Variants in S100Z observed in about 807,000 individuals in gnomAD.
The protein encoded by S100Z is S100 calcium binding protein Z.
S100Z carries 11 observed loss-of-function variants against 8.5 expected under a neutral mutation model. The observed-to-expected ratio is 1.30, with a 90% CI of 0.82 to 2.15. The LOEUF is 2.15. Among genes scored for constraint, S100Z ranks in the 30% most tolerant of loss-of-function variants. S100Z has a pLI of 0.00. For synonymous variants in S100Z, 34 were observed against 43.8 expected, an observed-to-expected ratio of 0.78 and a Z score of 0.89; for missense variants, 126 against 117.9, an observed-to-expected ratio of 1.07 and a Z score of -0.32.
At chr5:76,909,602 T>G (rs1392440510) in intron 4 of S100Z, among the ~76,000 whole-genome samples, 1 of 152,082 alleles carries the variant, frequency 6.6e-6, no homozygotes, top group Non-Finnish European at 1.5e-5. Context: ...ATGATAAGCC[T>G]CCTCTAATCT....
chr5:76,902,463 T>A (rs774646652), intron 4 of S100Z, among the ~76,000 whole-genome samples: 8 of 152,218 alleles, frequency 5.3e-5, no homozygotes, highest in African/African-American at 7.2e-5. Context: ...AGAAATGCCC[T>A]CTGCAACACA....
chr5:76,909,161 C>T (rs1744561988), intron 4 of S100Z, among the ~76,000 whole-genome samples: 1 of 152,078 alleles, frequency 6.6e-6, no homozygotes, highest in South Asian at 2.1e-4. Context: ...GCTCCAGGGA[C>T]CGTTACGGGT....
intron 1 of S100Z, among the ~76,000 whole-genome samples, chr5:76,868,623 C>CTTTTT (rs35398110): frequency 3.3e-5 from 4 of 122,846 alleles, no homozygotes; most frequent in Non-Finnish European, 3.3e-5. Context: ...AATTCAAACT[C>CTTTTT]TTTTTTTTTT....
downstream of S100Z, chr5:76,921,762 C>A (rs1008214317): frequency 2.0e-5 from 3 of 151,994 alleles, no homozygotes; most frequent in African/African-American, 7.2e-5. Flanking sequence ...TCGAGGTGGG[C>A]GGATCACTTG....
intron 4 of S100Z, among the ~76,000 whole-genome samples, chr5:76,912,627 A>G (rs1451072104): frequency 6.6e-6 from 1 of 152,258 alleles, no homozygotes; most frequent in Non-Finnish European, 1.5e-5. Context: ...CCCATGCTGT[A>G]ATATGGGAAG....
chr5:76,865,160 G>A (rs1751223593), intron 1 of S100Z, among the ~76,000 whole-genome samples: 2 of 152,014 alleles, frequency 1.3e-5, no homozygotes, highest in South Asian at 2.1e-4. Flanking sequence ...CCAGTGGGAT[G>A]AGATGTAGAG....
intron 4 of S100Z, among the ~76,000 whole-genome samples, chr5:76,886,979 C>T (rs1251810078): frequency 6.6e-6 from 1 of 152,090 alleles, no homozygotes; most frequent in Non-Finnish European, 1.5e-5. Flanking sequence ...GTGCAGGTCA[C>T]AGGGGATATG....
At chr5:76,864,522 C>T (rs1257820383) in intron 1 of S100Z, among the ~76,000 whole-genome samples, 1 of 150,140 alleles carries the variant, frequency 6.7e-6, no homozygotes, top group Non-Finnish European at 1.5e-5. Context: ...ACACCTCAGC[C>T]TCCCAGAGGC....
rs1409909466 is a variant in S100Z at position 76,921,131 on chromosome 5, T to A, written c.*417T>A. On this transcript the variant is annotated 3_prime_UTR_variant, in exon 5 of 5. Transcript: ENST00000317593. ...TTCATTCGAATTTTCCCTAGGTCCA[T>A]GTATCTATATATCTATGGTTCATAA... 6.6e-6 allele frequency: 1 copy of A among 152,246 alleles called. No homozygotes were observed. The allele number at this position is 152,246 out of a possible 1,614,324, so 9.4% of individuals were successfully genotyped here.
chr5:76,864,386 ATTTTTTTTTTTTTTTTTTTT>A (rs56206322), intron 1 of S100Z, among the ~76,000 whole-genome samples: 7 of 72,124 alleles, frequency 9.7e-5, no homozygotes, highest in Non-Finnish European at 1.5e-4. Context: ...TGCATACTAT[ATTTTTTTTTTTTTTTTTTTT>A]TTTTTTTTTT....
intron 4 of S100Z, among the ~76,000 whole-genome samples, chr5:76,905,306 G>A (rs1561246525): frequency 6.6e-6 from 1 of 152,148 alleles, no homozygotes; most frequent in African/African-American, 2.4e-5. Flanking sequence ...GAGTAGCTGA[G>A]ACTACAGGCA....
the S100Z span, among the ~76,000 whole-genome samples, chr5:76,932,752 C>A: frequency 6.7e-6 from 1 of 149,488 alleles, no homozygotes; most frequent in African/African-American, 2.5e-5. Context: ...TTACCTTTTA[C>A]AAAGAAAATT....
intron 1 of S100Z, among the ~76,000 whole-genome samples, chr5:76,864,471 G>T (rs898983202): frequency 8.2e-6 from 1 of 122,120 alleles, no homozygotes; most frequent in Admixed American, 1.2e-4. Context: ...GCACAATCTC[G>T]GCTAACTGTA....
chr5:76,871,817 G>A (rs752049166), intron 2 of S100Z, among the ~76,000 whole-genome samples: 15 of 152,118 alleles, frequency 9.9e-5, no homozygotes, highest in South Asian at 2.1e-4. Context: ...GTGAGCCACC[G>A]GGCCCTGCCC....
At chr5:76,898,632 C>T (rs1428212639) in intron 4 of S100Z, among the ~76,000 whole-genome samples, 1 of 151,922 alleles carries the variant, frequency 6.6e-6, no homozygotes, top group Non-Finnish European at 1.5e-5. Context: ...ACCACTCTTG[C>T]ATTCCAAGAA....
At chr5:76,919,633 T>G (rs1744975343) in intron 4 of S100Z, among the ~76,000 whole-genome samples, 1 of 147,314 alleles carries the variant, frequency 6.8e-6, no homozygotes, top group Non-Finnish European at 1.5e-5. Flanking sequence ...TTTAAAGAGA[T>G]GCAGGTCTCA....
At chr5:76,936,656 C>CAA in the S100Z span, among the ~76,000 whole-genome samples, 1 of 111,918 alleles carries the variant, frequency 8.9e-6, no homozygotes, top group Non-Finnish European at 2.3e-5. Context: ...CACACACACA[C>CAA]AACCATGAAG....
chr5:76,867,595 TC>T (rs764647632), intron 1 of S100Z, among the ~76,000 whole-genome samples: 2 of 147,792 alleles, frequency 1.4e-5, no homozygotes. Flanking sequence ...TTTTTTTTTT[TC>T]TTTTTTTTTT....
At chr5:76,885,889 A>G (rs1215224113) in intron 4 of S100Z, among the ~76,000 whole-genome samples, 2 of 144,134 alleles carry the variant, frequency 1.4e-5, no homozygotes, top group African/African-American at 5.3e-5. Context: ...GAGAAAAGAG[A>G]GAGTAGAGGC....
Sources: gnomAD v4.1 joint callset for allele counts (sites outside exome capture counted in the v4.1 genomes callset) on GRCh38, gnomAD v4.1.1 for gene constraint, MANE v1.5 for transcripts, NCBI Gene and HGNC (gene_info 2026-07-23, HGNC 2026-07-21) for gene names.